The following RAB37 variants were observed in gnomAD, a reference collection of about 807,000 sequenced individuals.
RAB37 encodes RAB37, member RAS oncogene family.
In RAB37, 29 loss-of-function variants were observed where a neutral mutation model predicts 33.1. That is an observed-to-expected ratio of 0.88 (90% CI 0.65 to 1.20). The LOEUF (loss-of-function observed/expected upper bound fraction) is 1.20, where lower values mean the gene tolerates loss of function less well. RAB37 is among the 50% of genes most tolerant of loss of function. The pLI, the probability that RAB37 is intolerant of heterozygous loss-of-function variation, is 0.00. For missense variants in RAB37, 299 were observed against 301.1 expected (o/e 0.99, Z 0.05); for synonymous variants, 128 against 119.5 (o/e 1.07, Z -0.47).
intron 1 of RAB37, among the ~76,000 whole-genome samples, chr17:74,685,942 C>T (rs2032045987): frequency 6.6e-6 from 1 of 152,196 alleles, no homozygotes; most frequent in Non-Finnish European, 1.5e-5. Flanking sequence ...GAGCAAACAA[C>T]AGCATCCCCT....
chr17:74,712,400 A>C, intron 1 of RAB37, among the ~76,000 whole-genome samples: 1 of 150,396 alleles, frequency 6.6e-6, no homozygotes, highest in Non-Finnish European at 1.5e-5. Flanking sequence ...TGCCCAGCAA[A>C]CTCCCTCTTC....
At position 74,722,208 on chromosome 17, in the gene RAB37, G is replaced by A. The variant is rs373532796; in HGVS notation, c.73-7048G>A. On this transcript the variant is annotated intron_variant, in intron 1 of 7. Coordinates refer to the RAB37 transcript ENST00000340415. Reference sequence around the variant, plus strand: ...TGAGGCAGGAGAATGGCGTGAACCCGGGAGGCAGAGCTTGCAGTGAGTCAA... The same window carrying A: ...TGAGGCAGGAGAATGGCGTGAACCCAGGAGGCAGAGCTTGCAGTGAGTCAA... 2.2e-4 allele frequency among the ~76,000 whole-genome samples: 34 copies of A among 151,936 alleles called. No homozygotes were observed. In the South Asian group the frequency reaches 4.8e-3, roughly 21 times the overall value.
At chr17:74,672,486 G>C (rs2143447188) in intron 1 of RAB37, among the ~76,000 whole-genome samples, 1 of 152,220 alleles carries the variant, frequency 6.6e-6, no homozygotes, top group East Asian at 1.9e-4. Context: ...CCTATAGGTG[G>C]AGTTTTTTAA....
At chr17:74,723,476 T>C (rs1484081906) in intron 1 of RAB37, among the ~76,000 whole-genome samples, 2 of 151,548 alleles carry the variant, frequency 1.3e-5, no homozygotes, top group South Asian at 2.1e-4. Flanking sequence ...GAGGCACAAA[T>C]ACAGATATAA....
intron 1 of RAB37, among the ~76,000 whole-genome samples, chr17:74,720,959 G>T (rs894672057): frequency 2.0e-5 from 3 of 152,156 alleles, no homozygotes; most frequent in Non-Finnish European, 1.5e-5. Flanking sequence ...AGATAACCGG[G>T]CTCCTCTCTG....
rs574547532 is a variant in RAB37, at chr17:74,731,376, G to A, written c.183+2010G>A. Among the ~76,000 whole-genome samples the A allele has an allele frequency of 8.5e-5, 13 of 152,342 alleles. No individual in the cohort carries two copies. In the South Asian group the frequency reaches 2.5e-3, roughly 29 times the overall value. On this transcript the variant is annotated intron_variant, in intron 2 of 7. Transcript: ENST00000340415. ...TGGCAGGGGAGGGACAGAGCCCCTG[G>A]TCTCCCACTTTGGAGGAGCCAGAGG... is the stretch of plus-strand genomic sequence containing the variant.
intron 2 of RAB37, 44 bp downstream of exon 2, chr17:74,740,922 T>C: frequency 7.0e-7 from 1 of 1,422,238 alleles, no homozygotes; most frequent in Non-Finnish European, 9.9e-7. Context: ...GAGCCAGGGC[T>C]GTGGCTCAGG....
At chr17:74,681,287 T>C (rs1251414940) in intron 1 of RAB37, among the ~76,000 whole-genome samples, 4 of 152,166 alleles carry the variant, frequency 2.6e-5, no homozygotes, top group Non-Finnish European at 5.9e-5. Context: ...TCCTGGCTGA[T>C]TGACGGATCT....
chr17:74,734,061 C>A (rs2034431439), upstream of RAB37, among the ~76,000 whole-genome samples: 1 of 152,176 alleles, frequency 6.6e-6, no homozygotes, highest in African/African-American at 2.4e-5. Flanking sequence ...TCCAAACCCA[C>A]CATAGGACAA....
intron 1 of RAB37, chr17:74,704,297 G>C (rs1288378421): frequency 8.3e-6 from 5 of 600,124 alleles, no homozygotes; most frequent in Non-Finnish European, 1.2e-5. Context: ...AGCCCTGGGA[G>C]CCATGGGGGC....
Position 74,729,045 on chromosome 17 carries a change from G to C in RAB37, c.73-211G>C, listed in dbSNP as rs986979193. Reference sequence around the variant, plus strand: ...GTGTTCTGTGTGTGCATATATGTTTGTGTGTGCATGGGTGTTCTGTGTATG... The same window carrying C: ...GTGTTCTGTGTGTGCATATATGTTTCTGTGTGCATGGGTGTTCTGTGTATG... On this transcript the variant is annotated intron_variant, in intron 1 of 7. Transcript: ENST00000340415. The surrounding 1 kb of genome is among the most constrained non-coding windows in gnomAD (Gnocchi z 4.2). Among the ~76,000 whole-genome samples, 7 of 152,026 alleles carry C rather than the reference G, an allele frequency of 4.6e-5. No homozygotes were observed. Among genetic ancestry groups the C allele is most frequent in the Non-Finnish European group, 1.0e-4 (7 of 67,986 alleles).
chr17:74,712,577 C>A (rs137974055), intron 1 of RAB37, among the ~76,000 whole-genome samples: 304 of 152,364 alleles, frequency 2.0e-3, no homozygotes, highest in African/African-American at 6.1e-3. Context: ...GGCCTACAGT[C>A]TGTCCATTTC....
At position 74,745,568 on chromosome 17, in the gene RAB37, T is replaced by A; in HGVS notation, c.*157T>A. ...CAGGGAGCTATACTCCAACTCCTAC[T>A]TGAGTTCCTGCGGTCTCCCCGCATC... On this transcript the variant is annotated 3_prime_UTR_variant, in exon 9 of 9. Coordinates refer to ENST00000392613, the MANE Select transcript of RAB37 (RefSeq NM_001006638.3). The surrounding 1 kb of genome is among the most constrained non-coding windows in gnomAD (Gnocchi z 4.5). 2 of 621,324 alleles carry A rather than the reference T, an allele frequency of 3.2e-6. No homozygotes were observed. Among genetic ancestry groups the A allele is most frequent in the Admixed American group, 2.9e-5 (1 of 34,746 alleles). 38.5% of individuals were successfully genotyped at this position (621,324 alleles called of 1,614,324 possible).
intron 2 of RAB37, among the ~76,000 whole-genome samples, chr17:74,741,725 A>G (rs1383457718): frequency 6.6e-6 from 1 of 152,166 alleles, no homozygotes; most frequent in Non-Finnish European, 1.5e-5. Flanking sequence ...AGTGTTCAAT[A>G]GAGAAAAGGT....
chr17:74,681,356 T>C (rs1253527711), intron 1 of RAB37, among the ~76,000 whole-genome samples: 1 of 152,220 alleles, frequency 6.6e-6, no homozygotes, highest in Non-Finnish European at 1.5e-5. Context: ...GTCAGAGGGC[T>C]CTGAGCCCCT....
upstream of RAB37, among the ~76,000 whole-genome samples, chr17:74,735,065 A>AAG (rs2034454673): frequency 6.9e-6 from 1 of 144,186 alleles, no homozygotes; most frequent in Non-Finnish European, 1.5e-5. Context: ...AAGAAAGAGA[A>AAG]AGAAAGGGAA....
intron 1 of RAB37, among the ~76,000 whole-genome samples, chr17:74,682,110 C>T (rs2031966564): frequency 6.6e-6 from 1 of 152,218 alleles, no homozygotes. Context: ...TTGAATTCCC[C>T]AGCACTGTGT....
In RAB37 at chr17:74,692,171, A is replaced by C. The variant is rs2032171097; in HGVS notation, c.72+20513A>C. On this transcript the variant is annotated intron_variant, in intron 1 of 7. Transcript: ENST00000340415. ...ATGAGCCACCGCACCCGGCCATGTT[A>C]TGACTTTTATTCTTATACCTTGACT... Among the ~76,000 whole-genome samples, 4 of 151,898 alleles carry C rather than the reference A, an allele frequency of 2.6e-5. No homozygotes were observed. The South Asian group carries it at 8.3e-4, about 32-fold the overall frequency.
intron 1 of RAB37, among the ~76,000 whole-genome samples, chr17:74,710,018 G>A (rs1048903992): frequency 3.3e-5 from 5 of 152,132 alleles, no homozygotes; most frequent in African/African-American, 7.2e-5. Flanking sequence ...AGGCTCTGTC[G>A]CCCAGGCTGG....
Sources: gnomAD v4.1 joint callset for allele counts (sites outside exome capture counted in the v4.1 genomes callset) on GRCh38, gnomAD v4.1.1 for gene constraint, Gnocchi (gnomAD v3.1) non-coding constraint, MANE v1.5 for transcripts, NCBI Gene and HGNC (gene_info 2026-07-23, HGNC 2026-07-21) for gene names.